Variants in EDA observed in about 807,000 individuals in gnomAD.
EDA encodes ectodysplasin A.
EDA carries 2 observed loss-of-function variants against 23.6 expected under a neutral mutation model. The observed-to-expected ratio is 0.08, with a 90% confidence interval of 0.03 to 0.27. The LOEUF is 0.27. Ranked by LOEUF, EDA falls within the 10% of genes least tolerant of loss-of-function variation. The pLI is 1.00. For synonymous variants in EDA, 131 were observed against 132.0 expected, an observed-to-expected ratio of 0.99 and a Z score of 0.05; for missense variants, 229 against 324.2, an observed-to-expected ratio of 0.71 and a Z score of 2.26.
At chrX:69,887,515 T>C (rs960540729) in intron 1 of EDA, among the ~76,000 whole-genome samples, 1 of 111,658 alleles carries the variant, frequency 9.0e-6, no homozygotes, top group African/African-American at 3.3e-5. Context: ...AAAGAAAGTT[T>C]ATTTAAAGAA....
chrX:69,616,212 C>A lies in EDA; in HGVS notation c.-97C>A. ...AGGAACGGGTCCCTGCAGCCCCCAG[C>A]CGATGGCAGGACAGTAGCCGCCTGT... is the stretch of plus-strand genomic sequence containing the variant. On this transcript the variant is annotated 5_prime_UTR_variant, in exon 1 of 8. Transcript: ENST00000374552. The A allele has an allele frequency of 9.5e-7, 1 of 1,048,635 alleles. No individual in the cohort carries two copies. Among genetic ancestry groups the A allele is most frequent in the Non-Finnish European group, 1.3e-6 (1 of 783,587 alleles). 86.4% of individuals were successfully genotyped at this position (1,048,635 alleles called of 1,213,427 possible).
intron 1 of EDA, among the ~76,000 whole-genome samples, chrX:69,805,233 T>C (rs947378408): frequency 9.0e-6 from 1 of 111,561 alleles, no homozygotes; most frequent in Admixed American, 9.5e-5. Context: ...ACTGGTTTTC[T>C]CTGCCTCTGG....
intron 2 of EDA, among the ~76,000 whole-genome samples, chrX:69,978,391 T>C (rs1384091336): frequency 1.3e-4 from 12 of 89,747 alleles, no homozygotes; most frequent in Non-Finnish European, 2.4e-4. Flanking sequence ...TAATCCCAGC[T>C]ATTTGGGTGG....
At chrX:69,725,981 C>T (rs1349801377) in intron 1 of EDA, among the ~76,000 whole-genome samples, 2 of 111,680 alleles carry the variant, frequency 1.8e-5, no homozygotes, top group Admixed American at 9.5e-5. Flanking sequence ...AGAAGCCAAA[C>T]TGAAAGTGGT....
intron 1 of EDA, among the ~76,000 whole-genome samples, chrX:69,792,084 A>G (rs1304973628): frequency 9.0e-6 from 1 of 111,356 alleles, no homozygotes; most frequent in Non-Finnish European, 1.9e-5. Context: ...AGTGTAACCA[A>G]TATTTAGCCT....
chrX:70,030,433 C>T lies in EDA; in HGVS notation c.742-36C>T, dbSNP rs748447687. 51 of 1,153,441 alleles carry T rather than the reference C, an allele frequency of 4.4e-5. 1 individual carries two copies. In the Middle Eastern group the frequency reaches 1.4e-3, roughly 32 times the overall value. ...GGTGGCTGAGCAAGCAGCCATTACT[C>T]ATAGTGACTACTCTCTATCCTTCTC... On this transcript the variant is annotated intron_variant, in intron 5 of 7. Coordinates refer to ENST00000374552, the MANE Select transcript of EDA (RefSeq NM_001399.5).
intron 1 of EDA, among the ~76,000 whole-genome samples, chrX:69,724,052 T>C (rs1439775345): frequency 2.7e-5 from 3 of 112,078 alleles, no homozygotes; most frequent in Non-Finnish European, 5.6e-5. Flanking sequence ...ATAATTGAAA[T>C]GGCACAAGGT....
chrX:69,899,149 A>T (rs1009098117), intron 1 of EDA, among the ~76,000 whole-genome samples: 2 of 112,092 alleles, frequency 1.8e-5, no homozygotes, highest in African/African-American at 3.2e-5. Flanking sequence ...ATATATTGAA[A>T]TCACACATTT....
intron 1 of EDA, among the ~76,000 whole-genome samples, chrX:69,913,734 A>G (rs781312772): frequency 8.9e-6 from 1 of 112,216 alleles, no homozygotes; most frequent in Admixed American, 9.5e-5. Context: ...TCGGCTTTCA[A>G]CATGCCTTTC....
intron 1 of EDA, among the ~76,000 whole-genome samples, chrX:69,752,944 G>T (rs1322017786): frequency 9.0e-6 from 1 of 111,262 alleles, no homozygotes; most frequent in African/African-American, 3.3e-5. Flanking sequence ...ATTTTTTATT[G>T]CATCTATTTG....
intron 1 of EDA, chrX:69,616,984 C>A (rs1453505975): frequency 2.3e-6 from 1 of 428,458 alleles, no homozygotes; most frequent in Non-Finnish European, 4.2e-6. Context: ...GGCGACGCTC[C>A]CGTCGAGGAG....
chrX:69,811,870 C>T (rs866444561), intron 1 of EDA, among the ~76,000 whole-genome samples: 22 of 111,469 alleles, frequency 2.0e-4, no homozygotes, highest in African/African-American at 6.8e-4. Flanking sequence ...CTGGTTGTGC[C>T]TTGTGTGGTT....
chrX:69,900,630 T>G (rs1166612790), intron 1 of EDA, among the ~76,000 whole-genome samples: 2 of 110,041 alleles, frequency 1.8e-5, no homozygotes, highest in Non-Finnish European at 3.8e-5. Flanking sequence ...TGTATGGCAG[T>G]TGTATATTGT....
intron 1 of EDA, among the ~76,000 whole-genome samples, chrX:69,858,408 C>G (rs1437659145): frequency 9.0e-6 from 1 of 111,563 alleles, no homozygotes; most frequent in Non-Finnish European, 1.9e-5. Flanking sequence ...TCTTCAATAC[C>G]TAGTTTATTG....
intron 1 of EDA, among the ~76,000 whole-genome samples, chrX:69,865,832 C>G (rs2017476890): frequency 8.9e-6 from 1 of 112,306 alleles, no homozygotes; most frequent in African/African-American, 3.2e-5. Context: ...ATCCCCAACT[C>G]AAATACTATT....
At chrX:69,651,917 T>G (rs193143839) in intron 1 of EDA, among the ~76,000 whole-genome samples, 1 of 110,557 alleles carries the variant, frequency 9.0e-6, no homozygotes, top group Non-Finnish European at 1.9e-5. Context: ...GATCACCTGA[T>G]GAATTTGGTG....
At chrX:69,770,155 A>G (rs1240631630) in intron 1 of EDA, among the ~76,000 whole-genome samples, 2 of 111,988 alleles carry the variant, frequency 1.8e-5, no homozygotes, top group African/African-American at 6.5e-5. Context: ...ACATTGATCT[A>G]TTTCCAGTTT....
chrX:69,711,138 A>G (rs1178498127), intron 1 of EDA, among the ~76,000 whole-genome samples: 8 of 111,150 alleles, frequency 7.2e-5, no homozygotes, highest in East Asian at 5.6e-4. Flanking sequence ...TTTGTCATAG[A>G]TAGCTCTTAT....
chrX:69,655,225 G>A (rs1244416512), intron 1 of EDA, among the ~76,000 whole-genome samples: 2 of 111,178 alleles, frequency 1.8e-5, no homozygotes, highest in Non-Finnish European at 3.8e-5. Context: ...GAGAAACCCC[G>A]TCTCTACTAA....
Sources: allele counts gnomAD v4.1 joint callset (sites outside exome capture counted in the v4.1 genomes callset), GRCh38; gene constraint gnomAD v4.1.1; transcripts MANE v1.5; gene names NCBI Gene and HGNC (gene_info 2026-07-23, HGNC 2026-07-21).